RPH3A: variants seen among roughly 807,000 people sequenced by gnomAD.
RPH3A encodes the protein rabphilin 3A.
A neutral mutation model predicts 102.2 loss-of-function variants in RPH3A; 48 were observed. The ratio of observed to expected loss-of-function variants is 0.47; its 90% CI spans 0.37 to 0.60. The LOEUF (loss-of-function observed/expected upper bound fraction) is 0.60, where lower values mean the gene tolerates loss of function less well. Among genes scored for constraint, RPH3A ranks in the 20% least tolerant of loss-of-function variants. The pLI, the probability that RPH3A is intolerant of heterozygous loss-of-function variation, is 0.00. For synonymous variants in RPH3A, 310 were observed against 324.3 expected (o/e 0.96, Z 0.47); for missense variants, 781 against 910.1 (o/e 0.86, Z 1.83).
chr12:112,631,194 C>T (rs2039801551), intron 1 of RPH3A, among the ~76,000 whole-genome samples: 1 of 152,162 alleles, frequency 6.6e-6, no homozygotes, highest in African/African-American at 2.4e-5. Context: ...GGACACAAAA[C>T]TTTACACCTC....
chr12:112,750,579 GA>G (rs1332271665), intron 1 of RPH3A, among the ~76,000 whole-genome samples: 6 of 152,166 alleles, frequency 3.9e-5, no homozygotes, highest in African/African-American at 9.7e-5. Flanking sequence ...AGTGAGAGTA[GA>G]GAGGCCAATA....
At chr12:112,668,454 A>T (rs1339495155) in intron 1 of RPH3A, among the ~76,000 whole-genome samples, 1 of 152,184 alleles carries the variant, frequency 6.6e-6, no homozygotes, top group Non-Finnish European at 1.5e-5. Flanking sequence ...AATGTGGCAC[A>T]TATACACCAT....
chr12:112,665,118 C>T (rs1161586767), intron 1 of RPH3A, among the ~76,000 whole-genome samples: 1 of 152,132 alleles, frequency 6.6e-6, no homozygotes, highest in African/African-American at 2.4e-5. Flanking sequence ...CTTCCCTTTT[C>T]ATCTCACTTT....
At chr12:112,877,229 G>A (rs1458147346) in intron 13 of RPH3A, among the ~76,000 whole-genome samples, 2 of 151,956 alleles carry the variant, frequency 1.3e-5, no homozygotes, top group African/African-American at 2.4e-5. Flanking sequence ...CAGCAATTTC[G>A]CTCCTAGGTG....
At chr12:112,871,233 G>A (rs2042702635) in intron 10 of RPH3A, among the ~76,000 whole-genome samples, 1 of 152,038 alleles carries the variant, frequency 6.6e-6, no homozygotes, top group Non-Finnish European at 1.5e-5. Flanking sequence ...CCATTTTCAT[G>A]TGTACAATTC....
chr12:112,773,118 G>T (rs1592991144), intron 1 of RPH3A, among the ~76,000 whole-genome samples: 2 of 151,550 alleles, frequency 1.3e-5, no homozygotes, highest in South Asian at 4.2e-4. Context: ...ATATATATAT[G>T]GTCTATATAT....
chr12:112,881,765 C>T lies in RPH3A; in HGVS notation c.1252-7C>T, dbSNP rs758272715. 6.2e-7 allele frequency: 1 copy of T among 1,607,984 alleles called. No homozygotes were observed. The highest frequency in any genetic ancestry group is 8.5e-7 in the Non-Finnish European group (1 of 1,176,282). On this transcript the variant is annotated splice_region_variant and splice_polypyrimidine_tract_variant and intron_variant, in intron 14 of 21. Coordinates refer to ENST00000389385, the MANE Select transcript of RPH3A (RefSeq NM_001143854.2). ...GGCCCTCACACCATTGCCTCCTTCTCTTGCAGGGCCTGAAGCCCATGGATT... is the reference window on the plus strand; with the variant it reads ...GGCCCTCACACCATTGCCTCCTTCTTTTGCAGGGCCTGAAGCCCATGGATT...
chr12:112,667,948 C>T (rs748150809), intron 1 of RPH3A, among the ~76,000 whole-genome samples: 1 of 152,222 alleles, frequency 6.6e-6, no homozygotes, highest in East Asian at 1.9e-4. Flanking sequence ...CAAGTTCTCC[C>T]CTTCTGTTTT....
intron 6 of RPH3A, among the ~76,000 whole-genome samples, chr12:112,866,405 T>C (rs1422393417): frequency 1.3e-5 from 2 of 152,246 alleles, no homozygotes; most frequent in Non-Finnish European, 2.9e-5. Context: ...TTGTCTCAGG[T>C]CCGTTTTGGA....
intron 1 of RPH3A, among the ~76,000 whole-genome samples, chr12:112,762,950 A>AG (rs1267262851): frequency 6.6e-6 from 1 of 152,214 alleles, no homozygotes; most frequent in African/African-American, 2.4e-5. Context: ...ACCATCCTCT[A>AG]GGCAATCAGA....
At chr12:112,733,335 C>T (rs1160425160) in intron 1 of RPH3A, among the ~76,000 whole-genome samples, 1 of 152,172 alleles carries the variant, frequency 6.6e-6, no homozygotes, top group East Asian at 1.9e-4. Flanking sequence ...ACCAGCATCA[C>T]ACACACATAC....
chr12:112,675,072 C>T (rs1178176020), intron 1 of RPH3A, among the ~76,000 whole-genome samples: 2 of 152,178 alleles, frequency 1.3e-5, no homozygotes, highest in East Asian at 3.8e-4. Context: ...TTAACCAAAT[C>T]CCTCTTTCTT....
intron 1 of RPH3A, among the ~76,000 whole-genome samples, chr12:112,710,790 T>G (rs1459080311): frequency 6.6e-6 from 1 of 152,238 alleles, no homozygotes; most frequent in Non-Finnish European, 1.5e-5. Context: ...CTTAAAAATC[T>G]TTCCCTTCCC....
At chr12:112,707,133 T>G (rs2040431818) in intron 1 of RPH3A, among the ~76,000 whole-genome samples, 1 of 152,162 alleles carries the variant, frequency 6.6e-6, no homozygotes, top group South Asian at 2.1e-4. Context: ...CTGCAAATGC[T>G]CAGAGTTTCA....
At chr12:112,648,570 C>CAAGAAAAAAAAAA (rs2039949649) in intron 1 of RPH3A, among the ~76,000 whole-genome samples, 1 of 11,046 alleles carries the variant, frequency 9.1e-5, no homozygotes, top group Non-Finnish European at 1.5e-4. Flanking sequence ...CCCATCTCTA[C>CAAGAAAAAAAAAA]AAAAAAAAAA....
At chr12:112,754,824 A>G (rs1302899592) in intron 1 of RPH3A, among the ~76,000 whole-genome samples, 1 of 152,142 alleles carries the variant, frequency 6.6e-6, no homozygotes, top group Non-Finnish European at 1.5e-5. Flanking sequence ...ATTATTCTCA[A>G]CCTTGGCTTC....
intron 1 of RPH3A, among the ~76,000 whole-genome samples, chr12:112,725,384 G>A (rs2040580918): frequency 6.6e-6 from 1 of 152,128 alleles, no homozygotes; most frequent in Admixed American, 6.5e-5. Context: ...GGAGAAGAGG[G>A]GAAGAGGGGA....
At chr12:112,679,829 G>C (rs1179657442) in intron 1 of RPH3A, among the ~76,000 whole-genome samples, 2 of 152,216 alleles carry the variant, frequency 1.3e-5, no homozygotes, top group Admixed American at 1.3e-4. Context: ...AGTGGGGGTG[G>C]AGAGGTGGGC....
chr12:112,611,465 A>G (rs541019376), intron 1 of RPH3A, among the ~76,000 whole-genome samples: 17 of 152,048 alleles, frequency 1.1e-4, no homozygotes, highest in African/African-American at 4.1e-4. Context: ...TACCCAGAGC[A>G]TCTTGGATTG....
Sources: allele counts gnomAD v4.1 joint callset (sites outside exome capture counted in the v4.1 genomes callset), GRCh38; gene constraint gnomAD v4.1.1; transcripts MANE v1.5; gene names NCBI Gene and HGNC (gene_info 2026-07-23, HGNC 2026-07-21).